CACNA1D: variants seen among roughly 807,000 people sequenced by gnomAD.
CACNA1D encodes the protein calcium voltage-gated channel subunit alpha1 D.
A neutral mutation model predicts 257.1 loss-of-function variants in CACNA1D; 55 were observed. The observed-to-expected ratio is 0.21, with a 90% CI of 0.17 to 0.27. The LOEUF is 0.27. Ranked by LOEUF, CACNA1D falls within the 10% of genes least tolerant of loss-of-function variation. The probability of loss-of-function intolerance (pLI) is 1.00; values close to 1 mark genes in which losing one functional copy is unlikely to be tolerated. For missense variants in CACNA1D, 1,876 were observed against 2,784.0 expected (o/e 0.67, Z 7.34); for synonymous variants, 980 against 1,014.9 (o/e 0.97, Z 0.65).
intron 7 of CACNA1D, among the ~76,000 whole-genome samples, chr3:53,671,927 G>T (rs1306036768): frequency 6.6e-6 from 1 of 152,232 alleles, no homozygotes; most frequent in Non-Finnish European, 1.5e-5. Context: ...CTCATTGGCT[G>T]AAAATTCTGG....
chr3:53,541,325 G>T (rs370299438), intron 3 of CACNA1D, among the ~76,000 whole-genome samples: 1 of 152,156 alleles, frequency 6.6e-6, no homozygotes, highest in African/African-American at 2.4e-5. Flanking sequence ...TTTTTGTTAG[G>T]TCTAACCTGT....
chr3:53,569,848 A>G (rs2092912837), intron 3 of CACNA1D, among the ~76,000 whole-genome samples: 1 of 152,244 alleles, frequency 6.6e-6, no homozygotes, highest in Non-Finnish European at 1.5e-5. Flanking sequence ...TAGTGGAAAC[A>G]TACAGTCTTA....
intron 3 of CACNA1D, among the ~76,000 whole-genome samples, chr3:53,540,493 A>T (rs2092268678): frequency 6.6e-6 from 1 of 151,906 alleles, no homozygotes; most frequent in Admixed American, 6.6e-5. Context: ...GGTATATAGT[A>T]AAGATTTCAA....
At chr3:53,628,450 A>C (rs2093784724) in intron 3 of CACNA1D, among the ~76,000 whole-genome samples, 1 of 152,192 alleles carries the variant, frequency 6.6e-6, no homozygotes, top group African/African-American at 2.4e-5. Flanking sequence ...CCCAATTCTA[A>C]AGGATGAATG....
chr3:53,720,890 A>T (rs918846441), intron 11 of CACNA1D, among the ~76,000 whole-genome samples: 1 of 152,260 alleles, frequency 6.6e-6, no homozygotes, highest in Admixed American at 6.5e-5. Context: ...TGGCCCAGCC[A>T]TCCCACTTCT....
At chr3:53,745,932 G>C in intron 25 of CACNA1D, 57 bp downstream of exon 25, 1 of 1,349,902 alleles carries the variant, frequency 7.4e-7, no homozygotes, top group Non-Finnish European at 1.1e-6. Flanking sequence ...AGACTTCAAG[G>C]ATTCACACAT....
intron 20 of CACNA1D, among the ~76,000 whole-genome samples, chr3:53,739,191 C>T (rs941431247): frequency 9.9e-5 from 15 of 152,234 alleles, no homozygotes; most frequent in Non-Finnish European, 1.3e-4. Flanking sequence ...CTACTCCTTG[C>T]TCTGCAGTGC....
chr3:53,561,315 C>G (rs543335936), intron 3 of CACNA1D, among the ~76,000 whole-genome samples: 67 of 152,326 alleles, frequency 4.4e-4, no homozygotes, highest in African/African-American at 1.6e-3. Context: ...GACTGCTGCG[C>G]TCTGGTCTGG....
chr3:53,499,659 G>C (rs757987975), intron 2 of CACNA1D, among the ~76,000 whole-genome samples: 5 of 152,196 alleles, frequency 3.3e-5, no homozygotes, highest in Non-Finnish European at 7.3e-5. Flanking sequence ...CTTATATTTA[G>C]TCTTCCTGAA....
chr3:53,496,020 C>G (rs1464164540), intron 1 of CACNA1D, among the ~76,000 whole-genome samples: 2 of 152,202 alleles, frequency 1.3e-5, no homozygotes, highest in Non-Finnish European at 2.9e-5. Context: ...GAGCGCTCCC[C>G]TAGGGAGAAG....
intron 7 of CACNA1D, among the ~76,000 whole-genome samples, chr3:53,667,956 C>T (rs1051290951): frequency 3.9e-5 from 6 of 152,082 alleles, no homozygotes; most frequent in Non-Finnish European, 7.4e-5. Context: ...CTTCTGTATG[C>T]AGGAGGGCCC....
At position 53,811,539 on chromosome 3, in the gene CACNA1D, G is replaced by A. The variant is rs2095601020; in HGVS notation, c.*133G>A. The A allele has an allele frequency of 1.4e-5, 10 of 735,732 alleles. No homozygotes were observed. The Admixed American group carries it at 2.2e-4, about 16-fold the overall frequency. 45.6% of individuals were successfully genotyped at this position (735,732 alleles called of 1,614,324 possible). A position where few individuals can be genotyped will look rare whatever the true frequency, so the allele number is the denominator to read the frequency against. On this transcript the variant is annotated 3_prime_UTR_variant, in exon 48 of 48. Coordinates refer to ENST00000350061, the MANE Select transcript of CACNA1D (RefSeq NM_001128840.3). The surrounding 1 kb of genome is among the most constrained non-coding windows in gnomAD (Gnocchi z 4.2). ...CAATTAATTAGACTTTTGTATAAGA[G>A]ATGTCATGCCTCAAGAAAGCCATAA... is the stretch of plus-strand genomic sequence containing the variant.
intron 3 of CACNA1D, among the ~76,000 whole-genome samples, chr3:53,639,859 C>CTTTT (rs34925431): frequency 2.0e-5 from 2 of 102,074 alleles, no homozygotes; most frequent in African/African-American, 4.1e-5. Flanking sequence ...TCATTTCTTA[C>CTTTT]TTTTTTTTTT....
chr3:53,650,970 G>A (rs2094084722), intron 4 of CACNA1D, 52 bp downstream of exon 4: 2 of 1,487,516 alleles, frequency 1.3e-6, no homozygotes, highest in Non-Finnish European at 1.9e-6. Context: ...GGGAGGTGGA[G>A]GTTGGGGGGG....
At chr3:53,635,012 A>C (rs1179320251) in intron 3 of CACNA1D, among the ~76,000 whole-genome samples, 1 of 152,100 alleles carries the variant, frequency 6.6e-6, no homozygotes, top group East Asian at 1.9e-4. Flanking sequence ...AGGATACAAA[A>C]ACATATGTTA....
At chr3:53,528,336 T>C (rs2107421092) in intron 3 of CACNA1D, among the ~76,000 whole-genome samples, 1 of 152,354 alleles carries the variant, frequency 6.6e-6, no homozygotes, top group Non-Finnish European at 1.5e-5. Flanking sequence ...AATCAATGGA[T>C]CACATAAATT....
intron 3 of CACNA1D, among the ~76,000 whole-genome samples, chr3:53,609,926 GTTTTT>G (rs1261869754): frequency 3.3e-5 from 5 of 152,062 alleles, no homozygotes; most frequent in African/African-American, 9.7e-5. Context: ...CCTATGCTCA[GTTTTT>G]TTGGTATGTT....
chr3:53,703,637 CCAAGAACGTACTT>C (rs1299601818), intron 9 of CACNA1D, among the ~76,000 whole-genome samples: 1 of 152,186 alleles, frequency 6.6e-6, no homozygotes, highest in East Asian at 1.9e-4. Flanking sequence ...ATAGGAAGGA[CCAAGAACGTACTT>C]CAAGTGCACA....
intron 3 of CACNA1D, among the ~76,000 whole-genome samples, chr3:53,604,472 A>T (rs2093482326): frequency 6.6e-6 from 1 of 152,130 alleles, no homozygotes; most frequent in African/African-American, 2.4e-5. Context: ...GAGGATTTCA[A>T]ATGGAGGGCT....
Sources: gnomAD v4.1 joint callset for allele counts (sites outside exome capture counted in the v4.1 genomes callset) on GRCh38, gnomAD v4.1.1 for gene constraint, Gnocchi (gnomAD v3.1) non-coding constraint, MANE v1.5 for transcripts, NCBI Gene and HGNC (gene_info 2026-07-23, HGNC 2026-07-21) for gene names.